Variants in NRG3 observed in about 807,000 individuals in gnomAD.
NRG3 encodes pro-neuregulin-3, membrane-bound isoform.
In NRG3, 31 loss-of-function variants were observed where a neutral mutation model predicts 66.9. The observed-to-expected ratio is 0.46, with a 90% CI of 0.35 to 0.63. The LOEUF is 0.63. Ranked by LOEUF, NRG3 falls within the 20% of genes least tolerant of loss-of-function variation. The probability of loss-of-function intolerance (pLI) is 0.00; values close to 1 mark genes in which losing one functional copy is unlikely to be tolerated. For synonymous variants in NRG3, 393 were observed against 359.4 expected (o/e 1.09, Z -1.06); for missense variants, 910 against 878.9 (o/e 1.04, Z -0.45).
At chr10:82,429,946 G>C (rs936648069) in intron 2 of NRG3, among the ~76,000 whole-genome samples, 2 of 152,044 alleles carry the variant, frequency 1.3e-5, no homozygotes, top group African/African-American at 4.8e-5. Context: ...TAATTGTACT[G>C]TTTTTGACCA....
chr10:82,015,975 G>T (rs572615184), intron 1 of NRG3, among the ~76,000 whole-genome samples: 5 of 150,562 alleles, frequency 3.3e-5, no homozygotes, highest in Non-Finnish European at 5.9e-5. Flanking sequence ...GTTCCCTATA[G>T]AGACAGTCAT....
At chr10:82,590,086 A>T (rs2046893460) in intron 2 of NRG3, among the ~76,000 whole-genome samples, 1 of 152,168 alleles carries the variant, frequency 6.6e-6, no homozygotes, top group South Asian at 2.1e-4. Flanking sequence ...CTTCTGAAGG[A>T]GTCTTGCTGT....
At chr10:82,542,785 C>T (rs11194946) in intron 2 of NRG3, among the ~76,000 whole-genome samples, 1 of 152,156 alleles carries the variant, frequency 6.6e-6, no homozygotes, top group Non-Finnish European at 1.5e-5. Flanking sequence ...ATAATATAAT[C>T]GGGCAATCTT....
At chr10:82,378,776 G>A (rs1181715160) in intron 2 of NRG3, among the ~76,000 whole-genome samples, 1 of 151,872 alleles carries the variant, frequency 6.6e-6, no homozygotes, top group East Asian at 1.9e-4. Context: ...TCATCATATT[G>A]GTCAGGCTGG....
chr10:82,674,941 T>TTATC (rs887335479), intron 2 of NRG3, among the ~76,000 whole-genome samples: 2 of 146,522 alleles, frequency 1.4e-5, no homozygotes, highest in South Asian at 4.4e-4. Flanking sequence ...TTATTTATAT[T>TTATC]TATTTATTTA....
At chr10:82,842,014 G>A (rs993055004) in intron 3 of NRG3, among the ~76,000 whole-genome samples, 2 of 152,134 alleles carry the variant, frequency 1.3e-5, no homozygotes, top group African/African-American at 4.8e-5. Flanking sequence ...TAGGGCTGCA[G>A]GATAATTTTA....
At chr10:82,978,845 T>G in intron 7 of NRG3, 105 bp from the exon 8 acceptor site, 1 of 1,181,592 alleles carries the variant, frequency 8.5e-7, no homozygotes, top group Admixed American at 2.3e-5. Flanking sequence ...TTTGAGAATT[T>G]GGGGTGCAGA....
intron 1 of NRG3, among the ~76,000 whole-genome samples, chr10:82,032,205 A>G (rs530101406): frequency 6.6e-6 from 1 of 151,180 alleles, no homozygotes; most frequent in African/African-American, 2.4e-5. Flanking sequence ...TCTTCTGTTG[A>G]TGGACCTGCA....
intron 3 of NRG3, among the ~76,000 whole-genome samples, chr10:82,850,273 A>G (rs1051644663): frequency 1.3e-5 from 2 of 152,180 alleles, no homozygotes; most frequent in African/African-American, 4.8e-5. Flanking sequence ...CCATGCAGTC[A>G]TCCAGAGCGA....
intron 1 of NRG3, among the ~76,000 whole-genome samples, chr10:82,254,214 T>C (rs1431084781): frequency 1.3e-5 from 2 of 152,234 alleles, no homozygotes; most frequent in Non-Finnish European, 2.9e-5. Flanking sequence ...GTTCCAGATA[T>C]GCTCACTTAC....
intron 3 of NRG3, among the ~76,000 whole-genome samples, chr10:82,762,929 T>C (rs541166197): frequency 5.3e-4 from 81 of 152,348 alleles, no homozygotes; most frequent in Admixed American, 1.2e-3. Flanking sequence ...GGATTAATGC[T>C]GTTATTGTCC....
chr10:82,159,300 T>C (rs1214880177), intron 1 of NRG3, among the ~76,000 whole-genome samples: 1 of 151,932 alleles, frequency 6.6e-6, no homozygotes, highest in Non-Finnish European at 1.5e-5. Context: ...TCCAACCTCC[T>C]GACCACTCCA....
chr10:82,240,058 T>G (rs1236246487), intron 1 of NRG3, among the ~76,000 whole-genome samples: 1 of 152,130 alleles, frequency 6.6e-6, no homozygotes, highest in Non-Finnish European at 1.5e-5. Flanking sequence ...TTTTCCTATT[T>G]GTGTGAGTCT....
chr10:82,663,085 G>T (rs554307066), intron 2 of NRG3, among the ~76,000 whole-genome samples: 1 of 152,294 alleles, frequency 6.6e-6, no homozygotes, highest in Admixed American at 6.5e-5. Context: ...TACCAAGAAA[G>T]GAGAATAATA....
chr10:82,393,222 C>A (rs1056138211), intron 2 of NRG3, among the ~76,000 whole-genome samples: 3 of 152,064 alleles, frequency 2.0e-5, no homozygotes, highest in Admixed American at 2.0e-4. Context: ...TCCTAGAAGA[C>A]CCCTCAGAAG....
chr10:82,232,363 T>C (rs2076524600), intron 1 of NRG3: 1 of 159,970 alleles, frequency 6.3e-6, no homozygotes, highest in Middle Eastern at 3.1e-3. Context: ...CAAAAAATAG[T>C]GGATATGGAT....
chr10:82,504,580 G>A (rs1844501851), intron 2 of NRG3, among the ~76,000 whole-genome samples: 1 of 152,174 alleles, frequency 6.6e-6, no homozygotes, highest in East Asian at 1.9e-4. Context: ...TACAGAGATA[G>A]GTTAATTTAT....
intron 1 of NRG3, among the ~76,000 whole-genome samples, chr10:82,083,151 A>G (rs2065492125): frequency 6.6e-6 from 1 of 152,002 alleles, no homozygotes; most frequent in African/African-American, 2.4e-5. Flanking sequence ...ACTTAAGGCT[A>G]TTTTTGATGA....
chr10:82,716,521 T>G (rs1386237837), intron 2 of NRG3, among the ~76,000 whole-genome samples: 1 of 152,128 alleles, frequency 6.6e-6, no homozygotes, highest in Non-Finnish European at 1.5e-5. Context: ...GGTGGCCCCA[T>G]CGAGGTCCTG....
Sources: gnomAD v4.1 joint callset for allele counts (sites outside exome capture counted in the v4.1 genomes callset) on GRCh38, gnomAD v4.1.1 for gene constraint, MANE v1.5 for transcripts, NCBI Gene and HGNC (gene_info 2026-07-23, HGNC 2026-07-21) for gene names.